The following RFX3 variants were observed in gnomAD, a reference collection of about 807,000 sequenced individuals.
RFX3 encodes regulatory factor X3, also known as transcription factor RFX3.
RFX3 carries 14 observed loss-of-function variants against 98.6 expected under a neutral mutation model. The ratio of observed to expected loss-of-function variants is 0.14; its 90% confidence interval spans 0.09 to 0.22. The LOEUF (loss-of-function observed/expected upper bound fraction) is 0.22. Among genes scored for constraint, RFX3 ranks in the 10% least tolerant of loss-of-function variants. The pLI, the probability that RFX3 is intolerant of heterozygous loss-of-function variation, is 1.00. For synonymous variants in RFX3, 383 were observed against 328.4 expected, an observed-to-expected ratio of 1.17 and a Z score of -1.80; for missense variants, 639 against 926.9, an observed-to-expected ratio of 0.69 and a Z score of 4.03.
At chr9:3,440,235 T>C (rs949754014) in intron 1 of RFX3, among the ~76,000 whole-genome samples, 4 of 152,038 alleles carry the variant, frequency 2.6e-5, no homozygotes, top group African/African-American at 9.7e-5. Flanking sequence ...TATTCAATAC[T>C]GTGCTGGACG....
intron 1 of RFX3, among the ~76,000 whole-genome samples, chr9:3,504,940 ATATAATATAATATATATTAT>A (rs1816733530): frequency 4.1e-5 from 3 of 72,454 alleles, no homozygotes; most frequent in Non-Finnish European, 6.7e-5. Flanking sequence ...TATATAATAT[ATATAATATAATATATATTAT>A]ATATAATATA....
intron 4 of RFX3, among the ~76,000 whole-genome samples, chr9:3,327,384 C>A (rs143421014): frequency 6.6e-6 from 1 of 152,060 alleles, no homozygotes; most frequent in Non-Finnish European, 1.5e-5. Context: ...CACTGTGAGT[C>A]AAGCAGATCT....
chr9:3,324,449 C>A (rs1048418700), intron 4 of RFX3, among the ~76,000 whole-genome samples: 12 of 151,686 alleles, frequency 7.9e-5, no homozygotes, highest in African/African-American at 2.9e-4. Context: ...GATAGATGGG[C>A]AATTCAGCTC....
chr9:3,330,130 C>G (rs1587105445), intron 4 of RFX3, 129 bp downstream of exon 4: 2 of 915,090 alleles, frequency 2.2e-6, no homozygotes. Flanking sequence ...TGCAAACTCT[C>G]AATACTAAAA....
At chr9:3,254,534 C>G (rs1000035033) in intron 14 of RFX3, among the ~76,000 whole-genome samples, 2 of 151,798 alleles carry the variant, frequency 1.3e-5, no homozygotes, top group Non-Finnish European at 2.9e-5. Context: ...GGGAAAATAT[C>G]TGAAATCTTT....
chr9:3,513,726 C>A (rs770873803), intron 1 of RFX3, among the ~76,000 whole-genome samples: 1 of 152,180 alleles, frequency 6.6e-6, no homozygotes, highest in Non-Finnish European at 1.5e-5. Flanking sequence ...TATCTCCAGT[C>A]CATAGTCATT....
At chr9:3,514,440 G>GTGTTT (rs201784174) in intron 1 of RFX3, among the ~76,000 whole-genome samples, 2,827 of 151,632 alleles carry the variant, frequency 0.019, 87 homozygotes, top group African/African-American at 0.061. Context: ...TAACCAAGTT[G>GTGTTT]TGTTTTGTTT....
chr9:3,489,620 A>AAATAAAATTTT (rs1850575931), intron 1 of RFX3: 1 of 156,550 alleles, frequency 6.4e-6, no homozygotes, highest in Non-Finnish European at 1.4e-5. Flanking sequence ...TTTAATTGAA[A>AAATAAAATTTT]CTTCCTTTGA....
At chr9:3,517,490 C>A (rs1818293992) in intron 1 of RFX3, among the ~76,000 whole-genome samples, 2 of 152,186 alleles carry the variant, frequency 1.3e-5, no homozygotes, top group African/African-American at 4.8e-5. Flanking sequence ...ACTCCTATTA[C>A]CCAATACCTC....
chr9:3,484,645 A>G (rs1361957499), intron 1 of RFX3, among the ~76,000 whole-genome samples: 1 of 152,166 alleles, frequency 6.6e-6, no homozygotes, highest in Non-Finnish European at 1.5e-5. Flanking sequence ...TCTACTTACA[A>G]CTCTGTGTAG....
At chr9:3,398,163 T>C (rs1293184466) in intron 1 of RFX3, among the ~76,000 whole-genome samples, 1 of 152,110 alleles carries the variant, frequency 6.6e-6, no homozygotes, top group East Asian at 1.9e-4. Context: ...TGAACCAGCA[T>C]TAAGACCACA....
chr9:3,313,845 C>G (rs918293241), intron 4 of RFX3, among the ~76,000 whole-genome samples: 1 of 152,180 alleles, frequency 6.6e-6, no homozygotes, highest in African/African-American at 2.4e-5. Flanking sequence ...AAGAAACGAA[C>G]AAAGCCTCCA....
At chr9:3,301,520 G>A (rs900393250) in intron 5 of RFX3, 26 bp downstream of exon 5, 29 of 1,496,008 alleles carry the variant, frequency 1.9e-5, no homozygotes, top group Non-Finnish European at 2.5e-5. Flanking sequence ...CAAGAGATTA[G>A]TGTACATGAA....
intron 15 of RFX3, among the ~76,000 whole-genome samples, chr9:3,238,331 C>T (rs940334905): frequency 1.3e-5 from 2 of 152,044 alleles, no homozygotes; most frequent in Non-Finnish European, 2.9e-5. Flanking sequence ...AGCTGGAAGT[C>T]GGTTTATGCA....
intron 1 of RFX3, among the ~76,000 whole-genome samples, chr9:3,518,082 C>T (rs946997497): frequency 6.6e-6 from 1 of 152,192 alleles, no homozygotes; most frequent in African/African-American, 2.4e-5. Context: ...CAATAACATG[C>T]TACGCAGGTT....
chr9:3,476,915 T>C (rs1849315655), intron 1 of RFX3, among the ~76,000 whole-genome samples: 1 of 152,164 alleles, frequency 6.6e-6, no homozygotes. Flanking sequence ...TTAAATGACC[T>C]TGGGCAAGTC....
chr9:3,310,809 T>A (rs943560869), intron 4 of RFX3, among the ~76,000 whole-genome samples: 8 of 152,138 alleles, frequency 5.3e-5, no homozygotes, highest in African/African-American at 1.9e-4. Context: ...CATATACAAA[T>A]ATAAAATGAA....
At chr9:3,418,794 A>C (rs1260778932) in intron 1 of RFX3, among the ~76,000 whole-genome samples, 1 of 152,226 alleles carries the variant, frequency 6.6e-6, no homozygotes, top group Non-Finnish European at 1.5e-5. Context: ...CATATTTTTA[A>C]AAAGACAAAT....
chr9:3,393,594 T>G (rs1380321703), intron 2 of RFX3, among the ~76,000 whole-genome samples: 1 of 147,220 alleles, frequency 6.8e-6, no homozygotes, highest in Admixed American at 6.7e-5. Flanking sequence ...TGTTCTTTAC[T>G]TGCTCTTCAG....
Sources: gnomAD v4.1 joint callset for allele counts (sites outside exome capture counted in the v4.1 genomes callset) on GRCh38, gnomAD v4.1.1 for gene constraint, MANE v1.5 for transcripts, NCBI Gene and HGNC (gene_info 2026-07-23, HGNC 2026-07-21) for gene names.